The following SIN3A variants were observed in gnomAD, a reference collection of about 807,000 sequenced individuals.
SIN3A encodes the protein paired amphipathic helix protein Sin3a.
In SIN3A, 14 loss-of-function variants were observed where a neutral mutation model predicts 146.1. The ratio of observed to expected loss-of-function variants is 0.10; its 90% confidence interval spans 0.06 to 0.15. The LOEUF (loss-of-function observed/expected upper bound fraction) is 0.15, where lower values mean the gene tolerates loss of function less well. Among genes scored for constraint, SIN3A ranks in the 10% least tolerant of loss-of-function variants. SIN3A has a pLI of 1.00. For missense variants in SIN3A, 1,028 were observed against 1,576.0 expected (o/e 0.65, Z 5.89); for synonymous variants, 572 against 572.0 (o/e 1.00, Z 0.00).
intron 19 of SIN3A, among the ~76,000 whole-genome samples, chr15:75,379,923 G>A (rs940113826): frequency 9.8e-5 from 15 of 152,310 alleles, no homozygotes; most frequent in Admixed American, 2.6e-4. Flanking sequence ...ATAAAAGTTG[G>A]CCCTTGGCTG....
At chr15:75,409,626 G>A (rs934966310) in intron 8 of SIN3A, among the ~76,000 whole-genome samples, 1 of 151,322 alleles carries the variant, frequency 6.6e-6, no homozygotes, top group African/African-American at 2.4e-5. Flanking sequence ...ACTCGGGAGG[G>A]CGAGACAGGA....
In SIN3A at chr15:75,370,585, G is replaced by A. The variant is rs2072728978; in HGVS notation, c.*1394C>T. 1 of 151,842 alleles carries A rather than the reference G, an allele frequency of 6.6e-6. No individual in the cohort carries two copies. The highest frequency in any genetic ancestry group is 2.4e-5 in the African/African-American group (1 of 41,304). The allele number at this position is 151,842 out of a possible 1,614,324, so 9.4% of individuals were successfully genotyped here. A position where few individuals can be genotyped will look rare whatever the true frequency, so the allele number is the denominator to read the frequency against. On this transcript the variant is annotated 3_prime_UTR_variant, in exon 21 of 21. Transcript: ENST00000394947. ...TCTCCCTCCCAACTCCATTTATAAG[G>A]TATACCACATGCCTTATGCACACTT...
Position 75,411,789 on chromosome 15 carries a change from T to G in SIN3A, c.757-46A>C, listed in dbSNP as rs750584274. 1.1e-5 allele frequency: 16 copies of G among 1,520,108 alleles called. No individual in the cohort carries two copies. The Admixed American group carries it at 3.0e-4, about 29-fold the overall frequency. The allele number at this position is 1,520,108 out of a possible 1,614,324, so 94.2% of individuals were successfully genotyped here. A position where few individuals can be genotyped will look rare whatever the true frequency, so the allele number is the denominator to read the frequency against. On this transcript the variant is annotated intron_variant, in intron 5 of 20. Coordinates refer to ENST00000394947, the MANE Select transcript of SIN3A (RefSeq NM_001145358.2). ...TATTCTCTTCAGATGCATAGATGAG[T>G]TGATACAAGGAAAGTTCAAACTAAA...
rs760260844 is a variant in SIN3A, at chr15:75,411,526, T to C, written c.974A>G (p.Tyr325Cys). The change falls in exon 6 of 21, where the codon TAC becomes TGC. Residue 325 changes from tyrosine (Y) to cysteine (C), a missense_variant. Around this residue, in one of 9 missense-constraint regions of SIN3A, gnomAD observed 14 missense variants for 54.4 expected, o/e 0.26. Coordinates refer to ENST00000394947, the MANE Select transcript of SIN3A (RefSeq NM_001145358.2). ...KNRFQGQPDI[Y>C]KAFLEILHTY... ...GTGCAAAATCTCCAGGAATGCTTTG[T>C]AGATGTCTGGTTGGCCCTGAAATCT... 2 of 1,614,072 alleles carry C rather than the reference T, an allele frequency of 1.2e-6. No individual in the cohort carries two copies. The highest frequency in any genetic ancestry group is 1.7e-6 in the Non-Finnish European group (2 of 1,180,028).
At chr15:75,422,500 A>T in intron 3 of SIN3A, 147 bp downstream of exon 3, 2 of 929,382 alleles carry the variant, frequency 2.2e-6, no homozygotes, top group Non-Finnish European at 3.4e-6. Context: ...AAACATAAGC[A>T]AATTTCACAA....
At chr15:75,381,775 G>T in intron 17 of SIN3A, 70 bp from the exon 18 acceptor site, 1 of 1,246,914 alleles carries the variant, frequency 8.0e-7, no homozygotes, top group Non-Finnish European at 1.2e-6. Flanking sequence ...CTCAAGGAAT[G>T]AGAGGTGCAG....
rs537442820 is a variant in SIN3A, at chr15:75,392,179, C to A, written c.2851+63G>T. 24 of 1,431,212 alleles carry A rather than the reference C, an allele frequency of 1.7e-5. No homozygotes were observed. In the African/African-American group the frequency reaches 3.1e-4, roughly 19 times the overall value. 88.7% of individuals were successfully genotyped at this position (1,431,212 alleles called of 1,614,324 possible). ...ATTAATAAAAGAAGCAGTCCCAAGTCTAGGTGGCTCTAAGGTCCTCAACCT... is the reference window on the plus strand; with the variant it reads ...ATTAATAAAAGAAGCAGTCCCAAGTATAGGTGGCTCTAAGGTCCTCAACCT... On this transcript the variant is annotated intron_variant, in intron 15 of 20. Transcript: ENST00000394947.
At chr15:75,396,200 A>G in intron 13 of SIN3A, 58 bp downstream of exon 13, 1 of 1,186,060 alleles carries the variant, frequency 8.4e-7, no homozygotes, top group East Asian at 2.4e-5. Context: ...TTATTTAATG[A>G]GACACTGAAC....
intron 19 of SIN3A, chr15:75,376,091 G>A (rs2072850322): frequency 3.4e-6 from 2 of 588,786 alleles, no homozygotes; most frequent in African/African-American, 3.7e-5. Context: ...ACTTGACTTA[G>A]CAGATGTAGC....
In SIN3A at chr15:75,413,019, C is replaced by T. The variant is rs752788557; in HGVS notation, c.500G>A (p.Arg167His). 6.2e-7 allele frequency: 1 copy of T among 1,613,266 alleles called. No individual in the cohort carries two copies. Among genetic ancestry groups the T allele is most frequent in the African/African-American group, 1.3e-5 (1 of 74,948 alleles). ...QSIDTPGVIS[R>H]VSQLFKGHPD... The stretch of plus-strand genomic sequence containing the variant: ...GTGGCCTTTGAATAGCTGGGACACA[C>T]GACTAATCACTCCTGGGGTGTCGAT... Residue 167 changes from arginine to histidine, a missense_variant, in exon 5 of 21, where the codon CGT (arginine) becomes CAT (histidine). By Grantham distance (29) the Arg-to-His change is conservative (BLOSUM62 0). This residue lies in a region of SIN3A where 152 missense variants were observed against 231.5 expected (regional missense o/e 0.66). Transcript: ENST00000394947.
intron 12 of SIN3A, among the ~76,000 whole-genome samples, chr15:75,398,496 T>C (rs1465084205): frequency 6.6e-6 from 1 of 151,746 alleles, no homozygotes; most frequent in Admixed American, 6.6e-5. Context: ...GTCAACATGG[T>C]GAAACCCATC....
chr15:75,455,127 T>C (rs1424590657), upstream of SIN3A: 6 of 139,876 alleles, frequency 4.3e-5, no homozygotes, highest in African/African-American at 1.6e-4. Flanking sequence ...CCCGCGCCTC[T>C]CCGGAGCGCG....
intron 3 of SIN3A, 130 bp from the exon 4 acceptor site, chr15:75,414,441 A>G: frequency 2.4e-6 from 1 of 408,642 alleles, no homozygotes. Flanking sequence ...TATTAAATAT[A>G]TACTTAAAAG....
At chr15:75,448,403 A>G (rs1323048955) in intron 1 of SIN3A, among the ~76,000 whole-genome samples, 26 of 151,748 alleles carry the variant, frequency 1.7e-4, no homozygotes, top group Non-Finnish European at 1.5e-5. Flanking sequence ...CTGAGGCAGG[A>G]CAATCGCTAG....
At chr15:75,410,924 G>A (rs570427665) in intron 6 of SIN3A, among the ~76,000 whole-genome samples, 66 of 145,264 alleles carry the variant, frequency 4.5e-4, no homozygotes, top group Non-Finnish European at 8.2e-4. Context: ...GCAGTGAGCC[G>A]ACACTGCACT....
upstream of SIN3A, among the ~76,000 whole-genome samples, chr15:75,452,655 G>T (rs1362736007): frequency 2.6e-5 from 4 of 152,216 alleles, no homozygotes; most frequent in African/African-American, 9.7e-5. Flanking sequence ...CAAAAGAGAG[G>T]CGGGCTCTAA....
chr15:75,436,441 A>T (rs1157710997), intron 1 of SIN3A: 1 of 152,198 alleles, frequency 6.6e-6, no homozygotes, highest in Non-Finnish European at 1.5e-5. Context: ...ACTGCACTCG[A>T]GCCTGGACAA....
At chr15:75,453,975 G>A (rs1243134401), upstream of SIN3A, 2 of 152,266 alleles carry the variant, frequency 1.3e-5, no homozygotes, top group East Asian at 3.9e-4. Flanking sequence ...GCAGTTCGAA[G>A]GAGCTAGGCG....
chr15:75,437,067 G>C (rs2074120044), intron 1 of SIN3A, among the ~76,000 whole-genome samples: 1 of 152,154 alleles, frequency 6.6e-6, no homozygotes, highest in Non-Finnish European at 1.5e-5. Flanking sequence ...TAGAAGTCCA[G>C]CACTGAGCCA....
Sources: gnomAD v4.1 joint callset for allele counts (sites outside exome capture counted in the v4.1 genomes callset) on GRCh38, gnomAD v4.1.1 for gene constraint, gnomAD v4.1.1 regional missense constraint, MANE v1.5 for transcripts, NCBI Gene and HGNC (gene_info 2026-07-23, HGNC 2026-07-21) for gene names.